The following CACNA1E variants were observed in gnomAD, a reference collection of about 807,000 sequenced individuals.
CACNA1E encodes the protein calcium voltage-gated channel subunit alpha1 E, also known as voltage-dependent R-type calcium channel subunit alpha-1E.
CACNA1E carries 40 observed loss-of-function variants against 259.2 expected under a neutral mutation model. The ratio of observed to expected loss-of-function variants is 0.15; its 90% CI spans 0.12 to 0.20. CACNA1E has a LOEUF of 0.20. CACNA1E is among the 10% of genes least tolerant of loss of function. The pLI, the probability that CACNA1E is intolerant of heterozygous loss-of-function variation, is 1.00. For missense variants in CACNA1E, 1,874 were observed against 3,040.1 expected (o/e 0.62, Z 9.02); for synonymous variants, 1,104 against 1,138.5 (o/e 0.97, Z 0.61).
rs1435192287 is a variant in CACNA1E at position 181,758,940 on chromosome 1, G to A, written c.4605+72G>A. On this transcript the variant is annotated intron_variant, in intron 32 of 47. Transcript: ENST00000367573. This position sits in a 1 kb window ranked among gnomAD's most constrained non-coding sequence, Gnocchi z 4.2. ...GGGTGCCTTCCCAGTCTTTGTTGAA[G>A]GGGAGGTGGTTACTGCTATTCCAGA... The A allele has an allele frequency of 7.1e-6, 6 of 850,904 alleles. No homozygotes were observed. Among genetic ancestry groups the A allele is most frequent in the Non-Finnish European group, 1.2e-5 (6 of 510,980 alleles). 52.7% of individuals were successfully genotyped at this position (850,904 alleles called of 1,614,324 possible). A position where few individuals can be genotyped will look rare whatever the true frequency, so the allele number is the denominator to read the frequency against.
chr1:181,370,238 A>G (rs532772897), intron 1 of CACNA1E, among the ~76,000 whole-genome samples: 1 of 149,494 alleles, frequency 6.7e-6, no homozygotes, highest in Non-Finnish European at 1.5e-5. Flanking sequence ...GTTCCAGGAT[A>G]CTCTAACTAT....
At chr1:181,563,389 C>G (rs185536309) in intron 3 of CACNA1E, among the ~76,000 whole-genome samples, 9 of 152,228 alleles carry the variant, frequency 5.9e-5, no homozygotes, top group African/African-American at 1.9e-4. Flanking sequence ...TTTATAAACT[C>G]AAACAGATCC....
At chr1:181,753,018 G>C (rs1253583975) in intron 27 of CACNA1E, among the ~76,000 whole-genome samples, 1 of 152,212 alleles carries the variant, frequency 6.6e-6, no homozygotes, top group Admixed American at 6.5e-5. Flanking sequence ...TGGGAGGAAA[G>C]TTCTTTCTCT....
chr1:181,700,206 C>T (rs1652100860), intron 7 of CACNA1E, among the ~76,000 whole-genome samples: 1 of 152,114 alleles, frequency 6.6e-6, no homozygotes. Context: ...GAGGCCTCTC[C>T]TGGAAGGATA....
chr1:181,404,191 G>A (rs1398400963), intron 1 of CACNA1E, among the ~76,000 whole-genome samples: 4 of 152,210 alleles, frequency 2.6e-5, no homozygotes, highest in Admixed American at 1.3e-4. Flanking sequence ...CGGTGCACAA[G>A]GTTGGGGGAT....
At chr1:181,747,614 A>G (rs949116694) in intron 25 of CACNA1E, among the ~76,000 whole-genome samples, 2 of 152,204 alleles carry the variant, frequency 1.3e-5, no homozygotes, top group Non-Finnish European at 2.9e-5. Context: ...CAATTTTTGA[A>G]CCTGATAGAA....
chr1:181,556,986 G>A (rs181997162), intron 3 of CACNA1E, among the ~76,000 whole-genome samples: 5 of 152,340 alleles, frequency 3.3e-5, no homozygotes, highest in African/African-American at 7.2e-5. Flanking sequence ...TCAGCAGGCT[G>A]TGAACATCGT....
intron 6 of CACNA1E, among the ~76,000 whole-genome samples, chr1:181,590,790 C>A (rs534598557): frequency 6.6e-6 from 1 of 152,170 alleles, no homozygotes; most frequent in Admixed American, 6.5e-5. Flanking sequence ...CCCCACTCAC[C>A]ATCCCCAAGC....
intron 3 of CACNA1E, among the ~76,000 whole-genome samples, chr1:181,538,921 C>A (rs1326161749): frequency 6.6e-6 from 1 of 152,212 alleles, no homozygotes; most frequent in East Asian, 1.9e-4. Flanking sequence ...TAATATAATT[C>A]TGCAATTCTT....
chr1:181,772,343 C>A, intron 37 of CACNA1E, 112 bp downstream of exon 37: 1 of 1,017,816 alleles, frequency 9.8e-7, no homozygotes, highest in Non-Finnish European at 1.5e-6. Context: ...GCCTCCCTCC[C>A]CTCCTCTCTC....
At chr1:181,357,609 T>C (rs1653547349) in intron 1 of CACNA1E, among the ~76,000 whole-genome samples, 1 of 152,130 alleles carries the variant, frequency 6.6e-6, no homozygotes, top group Non-Finnish European at 1.5e-5. Context: ...TAGGATTGCC[T>C]GTATGTGACC....
chr1:181,558,250 G>C (rs1648947000), intron 3 of CACNA1E, among the ~76,000 whole-genome samples: 1 of 152,160 alleles, frequency 6.6e-6, no homozygotes, highest in Non-Finnish European at 1.5e-5. Flanking sequence ...CTTCGCCCAG[G>C]AACACTGTGT....
chr1:181,494,105 T>C (rs912092927), intron 1 of CACNA1E, among the ~76,000 whole-genome samples: 2 of 152,226 alleles, frequency 1.3e-5, no homozygotes, highest in Non-Finnish European at 2.9e-5. Flanking sequence ...CCTTGATTTC[T>C]CTTGGCCGAA....
intron 6 of CACNA1E, among the ~76,000 whole-genome samples, chr1:181,604,190 A>G (rs1654013392): frequency 6.6e-6 from 1 of 152,152 alleles, no homozygotes; most frequent in South Asian, 2.1e-4. Flanking sequence ...CCTGTGGCTC[A>G]TGACTAATTC....
chr1:181,791,683 A>G (rs1022187310), intron 44 of CACNA1E, among the ~76,000 whole-genome samples: 1 of 152,054 alleles, frequency 6.6e-6, no homozygotes, highest in African/African-American at 2.4e-5. Context: ...CCAAGCAGTC[A>G]CTGGACTGAA....
Position 181,758,729 on chromosome 1 carries a change from C to T in CACNA1E, c.4495-29C>T. On this transcript the variant is annotated intron_variant, in intron 31 of 47. Transcript: ENST00000367573. This position sits in a 1 kb window ranked among gnomAD's most constrained non-coding sequence, Gnocchi z 4.2. Reference sequence around the variant, plus strand: ...CCCCTCTTACCTTAAGGCTGTGATTCTTTCTCTCTTCTTTTTTCTTCCTGG... The same window carrying T: ...CCCCTCTTACCTTAAGGCTGTGATTTTTTCTCTCTTCTTTTTTCTTCCTGG... The T allele has an allele frequency of 7.8e-7, 1 of 1,289,038 alleles. No homozygotes were observed. The highest frequency in any genetic ancestry group is 1.1e-6 in the Non-Finnish European group (1 of 890,328). 79.9% of individuals were successfully genotyped at this position (1,289,038 alleles called of 1,614,324 possible). A position where few individuals can be genotyped will look rare whatever the true frequency, so the allele number is the denominator to read the frequency against.
chr1:181,591,080 T>C (rs569367233), intron 6 of CACNA1E, among the ~76,000 whole-genome samples: 146 of 152,322 alleles, frequency 9.6e-4, no homozygotes, highest in Non-Finnish European at 1.5e-3. Flanking sequence ...TAAAGAAAGG[T>C]ATATTGTAGA....
intron 25 of CACNA1E, among the ~76,000 whole-genome samples, chr1:181,744,199 C>T (rs528370042): frequency 1.2e-4 from 19 of 152,378 alleles, no homozygotes; most frequent in African/African-American, 4.6e-4. Context: ...ACTTGACACT[C>T]TGCCCTAGTC....
chr1:181,523,012 A>G (rs1358694204), intron 3 of CACNA1E, among the ~76,000 whole-genome samples: 1 of 152,034 alleles, frequency 6.6e-6, no homozygotes, highest in South Asian at 2.1e-4. Flanking sequence ...AGACTTGGGG[A>G]GTTTGAGGTA....
Sources: gnomAD v4.1 joint callset for allele counts (sites outside exome capture counted in the v4.1 genomes callset) on GRCh38, gnomAD v4.1.1 for gene constraint, Gnocchi (gnomAD v3.1) non-coding constraint, MANE v1.5 for transcripts, NCBI Gene and HGNC (gene_info 2026-07-23, HGNC 2026-07-21) for gene names.